Variants in GALNT18 observed in about 807,000 individuals in gnomAD.
GALNT18 encodes polypeptide N-acetylgalactosaminyltransferase 18.
GALNT18 carries 44 observed loss-of-function variants against 69.5 expected under a neutral mutation model. The ratio of observed to expected loss-of-function variants is 0.63; its 90% CI spans 0.50 to 0.81. The LOEUF is 0.81. Ranked by LOEUF, GALNT18 falls within the 40% of genes least tolerant of loss-of-function variation. GALNT18 has a pLI of 0.00. For synonymous variants in GALNT18, 364 were observed against 318.2 expected (o/e 1.14, Z -1.53); for missense variants, 715 against 810.0 (o/e 0.88, Z 1.42).
chr11:11,482,189 G>A (rs114804223), intron 1 of GALNT18, among the ~76,000 whole-genome samples: 2,450 of 152,314 alleles, frequency 0.016, 58 homozygotes, highest in African/African-American at 0.052. Flanking sequence ...CTCAGGGTGA[G>A]AAAGAACATT....
Position 11,592,325 on chromosome 11 carries a change from C to T in GALNT18, c.235+29034G>A, listed in dbSNP as rs1446595526. Among the ~76,000 whole-genome samples, 3 of 152,330 alleles carry T rather than the reference C, an allele frequency of 2.0e-5. No homozygotes were observed. The highest frequency in any genetic ancestry group is 3.9e-4 in the East Asian group (2 of 5,192). On this transcript the variant is annotated intron_variant, in intron 1 of 10. Coordinates refer to ENST00000227756, the MANE Select transcript of GALNT18 (RefSeq NM_198516.3). This position sits in a 1 kb window ranked among gnomAD's most constrained non-coding sequence, Gnocchi z 5.9. ...GAAAAAAAATCAAAGATGTTTCCCA[C>T]ACATTGTCCAGCAGACAAAAACATA... is the stretch of plus-strand genomic sequence containing the variant.
chr11:11,512,613 T>G (rs904442444), intron 1 of GALNT18, among the ~76,000 whole-genome samples: 1 of 152,234 alleles, frequency 6.6e-6, no homozygotes, highest in Non-Finnish European at 1.5e-5. Context: ...ATCTACATTA[T>G]AGCTCAGCCC....
chr11:11,567,839 A>G (rs1858689958), intron 1 of GALNT18, among the ~76,000 whole-genome samples: 1 of 152,230 alleles, frequency 6.6e-6, no homozygotes, highest in African/African-American at 2.4e-5. Flanking sequence ...TAAACATCCT[A>G]TATACCTAGG....
Position 11,621,422 on chromosome 11 carries a change from C to T in GALNT18, c.172G>A (p.Asp58Asn), listed in dbSNP as rs111889718. Residue 58 changes from aspartate (D) to asparagine (N), a missense_variant, in exon 1 of 11, where the codon GAC becomes AAC. By Grantham distance (23) the Asp-to-Asn change is conservative (BLOSUM62 1). Coordinates refer to ENST00000227756, the MANE Select transcript of GALNT18 (RefSeq NM_198516.3). This position sits in a 1 kb window ranked among gnomAD's most constrained non-coding sequence, Gnocchi z 9.3. ...AGCCGCTCAATAATCTTCAGAGTGT[C>T]CCCTTTGTCTTCCTCCAGCTTCTTG... ...PDKKLEEDKG[D>N]TLKIIERLDH... 12 of 1,614,130 alleles carry T rather than the reference C, an allele frequency of 7.4e-6. No individual in the cohort carries two copies. In the African/African-American group the frequency reaches 1.5e-4, roughly 20 times the overall value.
At chr11:11,493,041 T>A (rs1026191144) in intron 1 of GALNT18, among the ~76,000 whole-genome samples, 1 of 151,978 alleles carries the variant, frequency 6.6e-6, no homozygotes, top group East Asian at 1.9e-4. Context: ...GGCAGGCAGA[T>A]CACAAGGTCA....
chr11:11,539,321 A>C (rs1857856800), intron 1 of GALNT18, among the ~76,000 whole-genome samples: 1 of 152,204 alleles, frequency 6.6e-6, no homozygotes, highest in Non-Finnish European at 1.5e-5. Flanking sequence ...AGCCTCCCAG[A>C]GACAGATGCT....
In GALNT18 at chr11:11,315,632, C is replaced by T. The variant is rs981077779; in HGVS notation, c.1512+11454G>A. On this transcript the variant is annotated intron_variant, in intron 9 of 10. Transcript: ENST00000227756. This position sits in a 1 kb window ranked among gnomAD's most constrained non-coding sequence, Gnocchi z 5.6. ...ACCATCACCATCACATGTGGGGCAC[C>T]GGGTCAGGCATCATGGCATACAGGC... Among the ~76,000 whole-genome samples the T allele has an allele frequency of 1.3e-5, 2 of 152,096 alleles. No homozygotes were observed. The highest frequency in any genetic ancestry group is 4.8e-5 in the African/African-American group (2 of 41,410).
intron 1 of GALNT18, among the ~76,000 whole-genome samples, chr11:11,519,982 C>T (rs568636854): frequency 6.6e-6 from 1 of 152,316 alleles, no homozygotes; most frequent in Non-Finnish European, 1.5e-5. Context: ...GCCAAAGACC[C>T]GGAAGAGGTC....
intron 9 of GALNT18, among the ~76,000 whole-genome samples, chr11:11,298,064 G>T (rs887038459): frequency 6.6e-6 from 1 of 152,228 alleles, no homozygotes; most frequent in African/African-American, 2.4e-5. Flanking sequence ...GAGCCACAGA[G>T]TCGAGGCTGG....
At chr11:11,489,827 C>T (rs2133882988) in intron 1 of GALNT18, among the ~76,000 whole-genome samples, 1 of 152,252 alleles carries the variant, frequency 6.6e-6, no homozygotes, top group Admixed American at 6.5e-5. Context: ...AAATAGGAAA[C>T]TGAGACACAG....
At position 11,387,585 on chromosome 11, in the gene GALNT18, T is replaced by C. The variant is rs1854087076; in HGVS notation, c.596-8321A>G. On this transcript the variant is annotated intron_variant, in intron 3 of 10. Coordinates refer to ENST00000227756, the MANE Select transcript of GALNT18 (RefSeq NM_198516.3). The surrounding 1 kb of genome is among the most constrained non-coding windows in gnomAD (Gnocchi z 4.6). ...GTCTTCTTCAGATCAGAAGATTAAC[T>C]GGCTTTTCTCTGAAGCCATTTAGGG... is the stretch of plus-strand genomic sequence containing the variant. 6.6e-6 allele frequency among the ~76,000 whole-genome samples: 1 copy of C among 152,264 alleles called. No homozygotes were observed. Among genetic ancestry groups the C allele is most frequent in the African/African-American group, 2.4e-5 (1 of 41,468 alleles).
At chr11:11,310,148 G>A (rs1287707676) in intron 9 of GALNT18, among the ~76,000 whole-genome samples, 1 of 152,118 alleles carries the variant, frequency 6.6e-6, no homozygotes, top group Non-Finnish European at 1.5e-5. Flanking sequence ...TTTTCTCACT[G>A]CCATGTCCTC....
chr11:11,621,381 A>G lies in GALNT18; in HGVS notation c.213T>C (p.Asn71=). The change falls in exon 1 of 11, where the codon AAT becomes AAC. Residue 71 remains asparagine, a synonymous_variant. Transcript: ENST00000227756. The surrounding 1 kb of genome is among the most constrained non-coding windows in gnomAD (Gnocchi z 9.3). ...TACCTTGAATGTGCTGCTTGATGAC[A>G]TTCTCCAGGTGGTCCAGCCGCTCAA... ...KIIERLDHLE[N]VIKQHIQEAP... The G allele has an allele frequency of 6.2e-7, 1 of 1,613,668 alleles. No individual in the cohort carries two copies. The highest frequency in any genetic ancestry group is 8.5e-7 in the Non-Finnish European group (1 of 1,179,908).
At chr11:11,544,529 A>G (rs146413571) in intron 1 of GALNT18, among the ~76,000 whole-genome samples, 123 of 152,340 alleles carry the variant, frequency 8.1e-4, no homozygotes, top group Middle Eastern at 3.4e-3. Flanking sequence ...CCTGCTCTTA[A>G]AAAGTGAACA....
intron 10 of GALNT18, among the ~76,000 whole-genome samples, chr11:11,273,298 C>T (rs1848865723): frequency 6.6e-6 from 1 of 152,084 alleles, no homozygotes; most frequent in Non-Finnish European, 1.5e-5. Context: ...GCAAACTACC[C>T]CTCTGACAAG....
At chr11:11,458,309 T>A (rs1855966732) in intron 1 of GALNT18, among the ~76,000 whole-genome samples, 2 of 152,222 alleles carry the variant, frequency 1.3e-5, no homozygotes, top group African/African-American at 2.4e-5. Context: ...GTTTTCCTTT[T>A]CTTCCACTCC....
intron 1 of GALNT18, among the ~76,000 whole-genome samples, chr11:11,492,136 A>G (rs1266092399): frequency 6.6e-6 from 1 of 152,254 alleles, no homozygotes; most frequent in African/African-American, 2.4e-5. Flanking sequence ...AAATCACTCC[A>G]AATTGTATCC....
chr11:11,275,072 G>A (rs1015516961), intron 10 of GALNT18, among the ~76,000 whole-genome samples: 4 of 152,192 alleles, frequency 2.6e-5, no homozygotes, highest in Non-Finnish European at 4.4e-5. Context: ...TGATGGGACC[G>A]CTAGGTCAAA....
intron 3 of GALNT18, among the ~76,000 whole-genome samples, chr11:11,403,212 C>T (rs1453703030): frequency 6.6e-6 from 1 of 152,182 alleles, no homozygotes; most frequent in Non-Finnish European, 1.5e-5. Context: ...TTAGTTTATC[C>T]AACCCTTCAG....
Sources: allele counts gnomAD v4.1 joint callset (sites outside exome capture counted in the v4.1 genomes callset), GRCh38; gene constraint gnomAD v4.1.1; non-coding constraint Gnocchi (gnomAD v3.1); transcripts MANE v1.5; gene names NCBI Gene and HGNC (gene_info 2026-07-23, HGNC 2026-07-21).